BMP6: variants seen among roughly 807,000 people sequenced by gnomAD.
The protein encoded by BMP6 is VG-1-R.
A neutral mutation model predicts 54.1 loss-of-function variants in BMP6; 17 were observed. The ratio of observed to expected loss-of-function variants is 0.31; its 90% CI spans 0.22 to 0.47. The LOEUF is 0.47. Among genes scored for constraint, BMP6 ranks in the 20% least tolerant of loss-of-function variants. The probability of loss-of-function intolerance (pLI) is 1.00; values close to 1 mark genes in which losing one functional copy is unlikely to be tolerated. For missense variants in BMP6, 720 were observed against 690.4 expected (o/e 1.04, Z -0.48); for synonymous variants, 328 against 291.2 (o/e 1.13, Z -1.28).
chr6:7,856,889 C>T (rs1270613891), intron 2 of BMP6, among the ~76,000 whole-genome samples: 1 of 152,148 alleles, frequency 6.6e-6, no homozygotes, highest in Non-Finnish European at 1.5e-5. Context: ...AGCCACCGCG[C>T]CCGGCCTCAA....
chr6:7,729,013 C>T (rs543674539), intron 1 of BMP6, among the ~76,000 whole-genome samples: 3 of 152,254 alleles, frequency 2.0e-5, no homozygotes, highest in African/African-American at 4.8e-5. Context: ...GTGCAGAAAT[C>T]CTCCTGGGAA....
chr6:7,830,794 A>G (rs1758781798), intron 1 of BMP6, among the ~76,000 whole-genome samples: 1 of 152,128 alleles, frequency 6.6e-6, no homozygotes, highest in Admixed American at 6.5e-5. Context: ...TCACTATCAC[A>G]AGAACAGCAC....
chr6:7,857,147 G>A (rs1455418831), intron 2 of BMP6, among the ~76,000 whole-genome samples: 1 of 152,234 alleles, frequency 6.6e-6, no homozygotes, highest in African/African-American at 2.4e-5. Flanking sequence ...TGTGATGGGA[G>A]GGATATGCAG....
chr6:7,880,628 C>T lies in BMP6; in HGVS notation c.*285C>T, dbSNP rs1446279865. ...ACCGTGAAGCTCTTCCTACCCTCCT[C>T]CCCCAAAAACCCACCAAAATTAGTT... On this transcript the variant is annotated 3_prime_UTR_variant, in exon 7 of 7. Transcript: ENST00000283147. The T allele has an allele frequency of 6.9e-6, 3 of 433,128 alleles. No homozygotes were observed. The highest frequency in any genetic ancestry group is 1.3e-5 in the Non-Finnish European group (3 of 239,664). The allele number at this position is 433,128 out of a possible 1,614,324, so 26.8% of individuals were successfully genotyped here. A position where few individuals can be genotyped will look rare whatever the true frequency, so the allele number is the denominator to read the frequency against.
At chr6:7,773,072 A>C (rs554030950) in intron 1 of BMP6, among the ~76,000 whole-genome samples, 1 of 152,214 alleles carries the variant, frequency 6.6e-6, no homozygotes. Context: ...TGCCATTAAC[A>C]GTCAGGAAAA....
At chr6:7,801,196 A>G (rs1345001957) in intron 1 of BMP6, among the ~76,000 whole-genome samples, 1 of 152,126 alleles carries the variant, frequency 6.6e-6, no homozygotes, top group Non-Finnish European at 1.5e-5. Context: ...GACAGCATTT[A>G]TTAACTTGAA....
Position 7,880,392 on chromosome 6 carries a change from T to A in BMP6, c.*49T>A, listed in dbSNP as rs763314732. ...CACATTCTGCCTTGGATTCCTAGAT[T>A]ACATCTGCCTTAAAAAAACACGGAA... is the stretch of plus-strand genomic sequence containing the variant. On this transcript the variant is annotated 3_prime_UTR_variant, in exon 7 of 7. Coordinates refer to ENST00000283147, the MANE Select transcript of BMP6 (RefSeq NM_001718.6). 2.5e-6 allele frequency: 4 copies of A among 1,606,252 alleles called. No individual in the cohort carries two copies. Among genetic ancestry groups the A allele is most frequent in the Non-Finnish European group, 3.4e-6 (4 of 1,174,194 alleles).
chr6:7,838,907 A>G (rs377570138), intron 1 of BMP6, among the ~76,000 whole-genome samples: 2 of 142,472 alleles, frequency 1.4e-5, no homozygotes, highest in East Asian at 4.1e-4. Flanking sequence ...GCGCCACTGC[A>G]CTCCAGCCTG....
chr6:7,752,776 C>T (rs1757446654), intron 1 of BMP6, among the ~76,000 whole-genome samples: 1 of 151,974 alleles, frequency 6.6e-6, no homozygotes, highest in Admixed American at 6.6e-5. Flanking sequence ...CTGAATACAG[C>T]CCTCCTTTCA....
At chr6:7,861,205 C>T (rs869291626) in intron 2 of BMP6, among the ~76,000 whole-genome samples, 2 of 152,040 alleles carry the variant, frequency 1.3e-5, no homozygotes, top group African/African-American at 4.8e-5. Flanking sequence ...GAGGGTCTGC[C>T]GTGTCGGGGT....
At chr6:7,732,654 A>G (rs1370724147) in intron 1 of BMP6, among the ~76,000 whole-genome samples, 1 of 151,588 alleles carries the variant, frequency 6.6e-6, no homozygotes, top group Non-Finnish European at 1.5e-5. Context: ...CTTGACTATG[A>G]ATACTGGCTA....
chr6:7,815,336 T>C (rs115150638), intron 1 of BMP6, among the ~76,000 whole-genome samples: 1,570 of 152,328 alleles, frequency 0.01, 23 homozygotes, highest in African/African-American at 0.036. Flanking sequence ...GAGCAAGAAC[T>C]TCTGAATAAA....
chr6:7,822,638 T>C (rs554288960), intron 1 of BMP6, among the ~76,000 whole-genome samples: 48 of 152,278 alleles, frequency 3.2e-4, no homozygotes, highest in African/African-American at 1.1e-3. Flanking sequence ...CCTCTTCTTA[T>C]GGTGCTATCG....
chr6:7,864,512 A>T (rs1476647222), intron 4 of BMP6, among the ~76,000 whole-genome samples: 6 of 152,242 alleles, frequency 3.9e-5, no homozygotes, highest in African/African-American at 1.4e-4. Context: ...AGATGCATTA[A>T]TTCTTCCAGG....
At position 7,727,456 on chromosome 6, in the gene BMP6, C is replaced by T; in HGVS notation, c.501C>T (p.Ser167=). ...RQQSWPHEAA[S]SSQRRQPPPG... is the part of the protein sequence containing the mutation. ...AGTCCTGGCCCCACGAAGCAGCCAG[C>T]TCGTCCCAGCGTCGGCAGCCGCCCC... Residue 167 remains serine, a synonymous_variant, in exon 1 of 7, where the codon AGC becomes AGT. Coordinates refer to ENST00000283147, the MANE Select transcript of BMP6 (RefSeq NM_001718.6). The T allele has an allele frequency of 1.9e-6, 3 of 1,599,830 alleles. No homozygotes were observed. Among genetic ancestry groups the T allele is most frequent in the Non-Finnish European group, 2.6e-6 (3 of 1,176,136 alleles).
intron 1 of BMP6, among the ~76,000 whole-genome samples, chr6:7,730,491 A>G (rs1761833549): frequency 6.6e-6 from 1 of 152,106 alleles, no homozygotes; most frequent in Admixed American, 6.5e-5. Flanking sequence ...CCACTTCTGG[A>G]CTCTATACTG....
rs530256315 is a variant in BMP6, at chr6:7,735,402, A to AT, written c.664+7787dup. Reference sequence around the variant, plus strand: ...CCTTGCTTATTCTCTGAGACCAGTTATTTTCCCTCCCTCCTTTTGAATCTA... The same window carrying AT: ...CCTTGCTTATTCTCTGAGACCAGTTATTTTTCCCTCCCTCCTTTTGAATCTA... On this transcript the variant is annotated intron_variant, in intron 1 of 6. Transcript: ENST00000283147. 4.6e-3 allele frequency among the ~76,000 whole-genome samples: 697 copies of AT among 152,286 alleles called. 4 individuals carry two copies. Among genetic ancestry groups the AT allele is most frequent in the African/African-American group, 0.016 (655 of 41,556 alleles).
intron 1 of BMP6, among the ~76,000 whole-genome samples, chr6:7,776,602 C>G (rs1757863217): frequency 6.6e-6 from 1 of 152,128 alleles, no homozygotes; most frequent in Non-Finnish European, 1.5e-5. Flanking sequence ...TGTCATTCCC[C>G]AACTTTACTA....
intron 1 of BMP6, 119 bp from the exon 2 acceptor site, chr6:7,845,021 A>G: frequency 2.3e-6 from 2 of 872,540 alleles, no homozygotes; most frequent in Non-Finnish European, 1.8e-6. Flanking sequence ...CGATCCCCGT[A>G]GTAAGCCGTG....
Sources: gnomAD v4.1 joint callset for allele counts (sites outside exome capture counted in the v4.1 genomes callset) on GRCh38, gnomAD v4.1.1 for gene constraint, MANE v1.5 for transcripts, NCBI Gene and HGNC (gene_info 2026-07-23, HGNC 2026-07-21) for gene names.